The following TMEM119 variants were observed in gnomAD, a reference collection of about 807,000 sequenced individuals.
TMEM119 encodes the protein transmembrane protein 119.
For missense variants in TMEM119, 410 were observed against 381.0 expected, an observed-to-expected ratio of 1.08 and a Z score of -0.63; for synonymous variants, 182 against 176.4, an observed-to-expected ratio of 1.03 and a Z score of -0.25.
chr12:108,592,062 G>T lies in TMEM119; in HGVS notation c.322C>A (p.Leu108Met), dbSNP rs760037485. 1 of 1,614,184 alleles carries T rather than the reference G, an allele frequency of 6.2e-7. No individual in the cohort carries two copies. The highest frequency in any genetic ancestry group is 1.1e-5 in the South Asian group (1 of 91,080). The change falls in exon 2 of 2, where the codon CTG (leucine) becomes ATG (methionine). Residue 108 changes from leucine (L) to methionine (M), a missense_variant. By Grantham distance (15) the Leu-to-Met change is conservative. Coordinates refer to ENST00000392806, the MANE Select transcript of TMEM119 (RefSeq NM_181724.3). This position sits in a 1 kb window ranked among gnomAD's most constrained non-coding sequence, Gnocchi z 4.3. ...ACCGCGGCACAGACGATGAACATCAGCAGAAAGGCCAGGGAGCCCACCACA... is the reference window on the plus strand; with the variant it reads ...ACCGCGGCACAGACGATGAACATCATCAGAAAGGCCAGGGAGCCCACCACA... ...IAVVGSLAFL[L>M]MFIVCAAVIT... is the part of the protein sequence containing the mutation.
chr12:108,591,579 G>C lies in TMEM119; in HGVS notation c.805C>G (p.Pro269Ala). ...CTGCAAGCACAGGGGCTTTCGGGGG[G>C]ACCCACTGGTCCCTGGGCTTCCTGG... ...LAQEAQGPVGPPESPCACSSV... is the reference protein window; with the variant it reads ...LAQEAQGPVGAPESPCACSSV... The change falls in exon 2 of 2, where the codon CCC becomes GCC. Residue 269 changes from proline to alanine, a missense_variant. Coordinates refer to ENST00000392806, the MANE Select transcript of TMEM119 (RefSeq NM_181724.3). The surrounding 1 kb of genome is among the most constrained non-coding windows in gnomAD (Gnocchi z 4.2). The C allele has an allele frequency of 6.2e-7, 1 of 1,612,904 alleles. No individual in the cohort carries two copies. Among genetic ancestry groups the C allele is most frequent in the East Asian group, 2.2e-5 (1 of 44,882 alleles).
chr12:108,590,959 C>A lies in TMEM119; in HGVS notation c.*573G>T, dbSNP rs1282431363. On this transcript the variant is annotated 3_prime_UTR_variant, in exon 2 of 2. Coordinates refer to ENST00000392806, the MANE Select transcript of TMEM119 (RefSeq NM_181724.3). Reference sequence around the variant, plus strand: ...CATGTTGCCTTACGAACGCTGGGCACCTTGGCGTCTCTCATCCAAACTCTT... The same window carrying A: ...CATGTTGCCTTACGAACGCTGGGCAACTTGGCGTCTCTCATCCAAACTCTT... The A allele has an allele frequency of 6.6e-6, 1 of 152,296 alleles. No homozygotes were observed. The highest frequency in any genetic ancestry group is 1.9e-4 in the East Asian group (1 of 5,206). 9.4% of individuals were successfully genotyped at this position (152,296 alleles called of 1,614,324 possible). A position where few individuals can be genotyped will look rare whatever the true frequency, so the allele number is the denominator to read the frequency against.
In TMEM119 at chr12:108,591,493, G is replaced by C; in HGVS notation, c.*39C>G. 3.3e-6 allele frequency: 5 copies of C among 1,533,976 alleles called. No homozygotes were observed. The highest frequency in any genetic ancestry group is 4.4e-6 in the Non-Finnish European group (5 of 1,142,306). ...TTCATACACGGGGAGGTGACCACTTGGGGGCCCGACAGTCAGGGCTGGCAG... is the reference window on the plus strand; with the variant it reads ...TTCATACACGGGGAGGTGACCACTTCGGGGCCCGACAGTCAGGGCTGGCAG... On this transcript the variant is annotated 3_prime_UTR_variant, in exon 2 of 2. Transcript: ENST00000392806. This position sits in a 1 kb window ranked among gnomAD's most constrained non-coding sequence, Gnocchi z 4.2.
At chr12:108,593,926 T>G (rs1249112516) in intron 1 of TMEM119, among the ~76,000 whole-genome samples, 1 of 152,230 alleles carries the variant, frequency 6.6e-6, no homozygotes, top group South Asian at 2.1e-4. Context: ...GAAGCGGGCT[T>G]GGGTCTAGAA....
Position 108,591,595 on chromosome 12 carries a change from G to A in TMEM119, c.789C>T (p.Ala263=). 6.2e-7 allele frequency: 1 copy of A among 1,613,740 alleles called. No homozygotes were observed. Among genetic ancestry groups the A allele is most frequent in the Admixed American group, 1.7e-5 (1 of 59,980 alleles). The change falls in exon 2 of 2, where the codon GCC becomes GCT. Residue 263 remains alanine, a synonymous_variant. Coordinates refer to ENST00000392806, the MANE Select transcript of TMEM119 (RefSeq NM_181724.3). This position sits in a 1 kb window ranked among gnomAD's most constrained non-coding sequence, Gnocchi z 4.2. Reference sequence around the variant, plus strand: ...TTTCGGGGGGACCCACTGGTCCCTGGGCTTCCTGGGCTAACAAGAGAGACC... The same window carrying A: ...TTTCGGGGGGACCCACTGGTCCCTGAGCTTCCTGGGCTAACAAGAGAGACC... ...LEGSLLLAQE[A]QGPVGPPESP... is the part of the protein sequence containing the mutation.
chr12:108,593,900 G>A (rs1344965141), intron 1 of TMEM119, among the ~76,000 whole-genome samples: 2 of 152,264 alleles, frequency 1.3e-5, no homozygotes, highest in African/African-American at 4.8e-5. Context: ...CGGCCCAGCA[G>A]AGGGCTCAGG....
chr12:108,595,637 A>T (rs996733928), intron 1 of TMEM119, among the ~76,000 whole-genome samples: 1 of 150,764 alleles, frequency 6.6e-6, no homozygotes, highest in Non-Finnish European at 1.5e-5. Context: ...TACACTCCAC[A>T]TACACACAAC....
At chr12:108,594,552 A>AAAAAAAAAAG (rs1399912980) in intron 1 of TMEM119, 5 of 149,768 alleles carry the variant, frequency 3.3e-5, no homozygotes, top group Admixed American at 3.3e-4. Flanking sequence ...GAACCTGTCA[A>AAAAAAAAAAG]AAAAAAAAAG....
At position 108,591,942 on chromosome 12, in the gene TMEM119, G is replaced by C; in HGVS notation, c.442C>G (p.Arg148Gly). Residue 148 changes from arginine (R) to glycine (G), a missense_variant, in exon 2 of 2, where the codon CGG becomes GGG. By Grantham distance (125) the Arg-to-Gly change is moderately radical. Transcript: ENST00000392806. This position sits in a 1 kb window ranked among gnomAD's most constrained non-coding sequence, Gnocchi z 4.2. The part of the protein sequence containing the change: ...VDQSDRAGGP[R>G]AFSEVPDRAP... The stretch of plus-strand genomic sequence containing the variant: ...CTGTCGGGGACCTCACTGAAGGCCC[G>C]GGGGCCCCCGGCCCGGTCACTCTGG... 1 of 1,612,386 alleles carries C rather than the reference G, an allele frequency of 6.2e-7. No homozygotes were observed. Among genetic ancestry groups the C allele is most frequent in the Non-Finnish European group, 8.5e-7 (1 of 1,179,280 alleles).
Position 108,592,471 on chromosome 12 carries a change from C to A in TMEM119, c.-14-74G>T. ...CAGGATTCAGAAACAGGCTCACCAGCCCCCAGGAGGAACAGGGAGCATGAA... is the reference window on the plus strand; with the variant it reads ...CAGGATTCAGAAACAGGCTCACCAGACCCCAGGAGGAACAGGGAGCATGAA... On this transcript the variant is annotated intron_variant, in intron 1 of 1. Coordinates refer to ENST00000392806, the MANE Select transcript of TMEM119 (RefSeq NM_181724.3). The surrounding 1 kb of genome is among the most constrained non-coding windows in gnomAD (Gnocchi z 4.3). The A allele has an allele frequency of 7.0e-7, 1 of 1,437,250 alleles. No homozygotes were observed. The highest frequency in any genetic ancestry group is 1.4e-5 in the South Asian group (1 of 70,644). 89.0% of individuals were successfully genotyped at this position (1,437,250 alleles called of 1,614,324 possible).
Position 108,597,485 on chromosome 12 carries a change from A to T in TMEM119, c.-15+485T>A, listed in dbSNP as rs148423433. 2.8e-3 allele frequency among the ~76,000 whole-genome samples: 431 copies of T among 151,898 alleles called. 3 individuals are homozygous for T. The highest frequency in any genetic ancestry group is 1.0e-2 in the African/African-American group (414 of 41,426). On this transcript the variant is annotated intron_variant, in intron 1 of 1. Transcript: ENST00000392806. ...CACACACACACACACACAGAGCAGC[A>T]TGGACACACAATATAAAGACACACA...
intron 1 of TMEM119, among the ~76,000 whole-genome samples, chr12:108,595,998 G>A (rs764826801): frequency 4.6e-5 from 7 of 152,156 alleles, no homozygotes; most frequent in Non-Finnish European, 1.0e-4. Context: ...CGGCTCCATC[G>A]CATCCAGCTC....
intron 1 of TMEM119, among the ~76,000 whole-genome samples, chr12:108,595,323 C>A (rs2031485907): frequency 6.6e-6 from 1 of 151,092 alleles, no homozygotes; most frequent in Non-Finnish European, 1.5e-5. Context: ...CACACACACA[C>A]ACACCCATAT....
Position 108,591,651 on chromosome 12 carries a change from C to T in TMEM119, c.733G>A (p.Val245Met). The change falls in exon 2 of 2, where the codon GTG becomes ATG. Residue 245 changes from valine to methionine, a missense_variant. By Grantham distance (21) the Val-to-Met change is conservative. Coordinates refer to ENST00000392806, the MANE Select transcript of TMEM119 (RefSeq NM_181724.3). This position sits in a 1 kb window ranked among gnomAD's most constrained non-coding sequence, Gnocchi z 4.2. The stretch of plus-strand genomic sequence containing the variant: ...AGCTCCCCTTGGCCCTCACCGGCCA[C>T]CACAGCCCCCTCAAGGACCCCTGAG... ...PCSGVLEGAV[V>M]AGEGQGELEG... 1 of 1,614,032 alleles carries T rather than the reference C, an allele frequency of 6.2e-7. No individual in the cohort carries two copies. Among genetic ancestry groups the T allele is most frequent in the South Asian group, 1.1e-5 (1 of 91,080 alleles).
At position 108,590,765 on chromosome 12, in the gene TMEM119, CTGTCGTAA is replaced by C. The variant is rs1303993249; in HGVS notation, c.*759_*766del. On this transcript the variant is annotated 3_prime_UTR_variant, in exon 2 of 2. Transcript: ENST00000392806. ...GTTTGGGAAATGCTCATTTAGGGAC[CTGTCGTAA>C]TGTGTGCAGGGGTCCTCTCACAGAA... The C allele has an allele frequency of 6.6e-6, 1 of 152,184 alleles. No homozygotes were observed. The highest frequency in any genetic ancestry group is 2.4e-5 in the African/African-American group (1 of 41,444). The allele number at this position is 152,184 out of a possible 1,614,324, so 9.4% of individuals were successfully genotyped here.
rs2031434577 is a variant in TMEM119, at chr12:108,592,650, G to A, written c.-14-253C>T. On this transcript the variant is annotated intron_variant, in intron 1 of 1. Coordinates refer to ENST00000392806, the MANE Select transcript of TMEM119 (RefSeq NM_181724.3). This position sits in a 1 kb window ranked among gnomAD's most constrained non-coding sequence, Gnocchi z 4.3. Reference sequence around the variant, plus strand: ...CTCCTCAGGGTTTGGCCCCATATCTGGTATTCAGTAAGTGCTCAATAAATG... The same window carrying A: ...CTCCTCAGGGTTTGGCCCCATATCTAGTATTCAGTAAGTGCTCAATAAATG... 1.3e-5 allele frequency among the ~76,000 whole-genome samples: 2 copies of A among 152,018 alleles called. No homozygotes were observed. The highest frequency in any genetic ancestry group is 1.3e-4 in the Admixed American group (2 of 15,272).
At chr12:108,597,337 G>T (rs969226117) in intron 1 of TMEM119, among the ~76,000 whole-genome samples, 8 of 152,074 alleles carry the variant, frequency 5.3e-5, no homozygotes, top group Non-Finnish European at 1.2e-4. Context: ...TGGCCTTGTG[G>T]GGGAGGGGTG....
At position 108,591,667 on chromosome 12, in the gene TMEM119, G is replaced by A. The variant is rs770203132; in HGVS notation, c.717C>T (p.Val239=). 3.1e-6 allele frequency: 5 copies of A among 1,613,838 alleles called. No homozygotes were observed. In the East Asian group the frequency reaches 6.7e-5, roughly 22 times the overall value. The stretch of plus-strand genomic sequence containing the variant: ...CACCGGCCACCACAGCCCCCTCAAG[G>A]ACCCCTGAGCACGGCTCCTCCTGCG... ...PEAQEEPCSG[V]LEGAVVAGEG... Residue 239 remains valine, a synonymous_variant, in exon 2 of 2, where the codon GTC becomes GTT. Coordinates refer to ENST00000392806, the MANE Select transcript of TMEM119 (RefSeq NM_181724.3). This position sits in a 1 kb window ranked among gnomAD's most constrained non-coding sequence, Gnocchi z 4.2.
intron 1 of TMEM119, among the ~76,000 whole-genome samples, chr12:108,593,642 C>T (rs1338196398): frequency 6.6e-6 from 1 of 152,228 alleles, no homozygotes; most frequent in Non-Finnish European, 1.5e-5. Context: ...GCCGATGCGC[C>T]CCGCCCCCAC....
Sources: gnomAD v4.1 joint callset for allele counts (sites outside exome capture counted in the v4.1 genomes callset) on GRCh38, gnomAD v4.1.1 for gene constraint, Gnocchi (gnomAD v3.1) non-coding constraint, MANE v1.5 for transcripts, NCBI Gene and HGNC (gene_info 2026-07-23, HGNC 2026-07-21) for gene names.